The following KATNAL2 variants were observed in gnomAD, a reference collection of about 807,000 sequenced individuals.
KATNAL2 encodes the protein katanin catalytic subunit A1 like 2, also known as katanin p60 ATPase-containing subunit A-like 2.
A neutral mutation model predicts 76.3 loss-of-function variants in KATNAL2; 52 were observed. That is an observed-to-expected ratio of 0.68 (90% CI 0.55 to 0.86). The LOEUF (loss-of-function observed/expected upper bound fraction) is 0.86. Among genes scored for constraint, KATNAL2 ranks in the 40% least tolerant of loss-of-function variants. The pLI is 0.00. For synonymous variants in KATNAL2, 243 were observed against 244.2 expected (o/e 1.00, Z 0.05); for missense variants, 660 against 668.9 (o/e 0.99, Z 0.15).
intron 1 of KATNAL2, among the ~76,000 whole-genome samples, chr18:46,931,477 C>T (rs2058920314): frequency 6.6e-6 from 1 of 151,942 alleles, no homozygotes; most frequent in African/African-American, 2.4e-5. Context: ...CATGGTGAAA[C>T]CCCGTTTCTA....
At chr18:47,066,495 C>T (rs537478556) in intron 10 of KATNAL2, among the ~76,000 whole-genome samples, 24 of 151,818 alleles carry the variant, frequency 1.6e-4, no homozygotes, top group Middle Eastern at 3.4e-3. Flanking sequence ...TGATCGCTAG[C>T]GAAAAAAGAG....
At chr18:47,053,073 G>T (rs762552644) in intron 5 of KATNAL2, 27 bp downstream of exon 5, 1 of 1,531,720 alleles carries the variant, frequency 6.5e-7, no homozygotes, top group Non-Finnish European at 8.8e-7. Context: ...TAGAGATAAG[G>T]CTTTGTCTCA....
chr18:46,938,922 A>G (rs1361861714), intron 1 of KATNAL2, among the ~76,000 whole-genome samples: 1 of 152,148 alleles, frequency 6.6e-6, no homozygotes, highest in Non-Finnish European at 1.5e-5. Context: ...TATTATGGGT[A>G]TGATCAATTC....
At chr18:47,031,463 C>A (rs534260500) in intron 3 of KATNAL2, among the ~76,000 whole-genome samples, 43 of 152,080 alleles carry the variant, frequency 2.8e-4, no homozygotes, top group Admixed American at 1.2e-3. Flanking sequence ...TGTGTTTCTT[C>A]TGCAGAAAGA....
chr18:46,960,538 C>T (rs891000562), intron 3 of KATNAL2, among the ~76,000 whole-genome samples: 5 of 152,078 alleles, frequency 3.3e-5, no homozygotes, highest in Non-Finnish European at 5.9e-5. Context: ...AGAGGAGGAG[C>T]TATGCAAAAA....
intron 10 of KATNAL2, 133 bp from the exon 11 acceptor site, chr18:47,066,888 T>TATATATATACATATAAACACAC (rs11281082): frequency 1.3e-5 from 1 of 75,816 alleles, no homozygotes; most frequent in Non-Finnish European, 2.8e-5. Context: ...TATATATATA[T>TATATATATACATATAAACACAC]ATATAATATG....
intron 3 of KATNAL2, chr18:47,023,486 TG>T: frequency 2.8e-6 from 1 of 362,652 alleles, no homozygotes; most frequent in Admixed American, 8.3e-5. Flanking sequence ...GGCTCGCGAC[TG>T]GGAGACCTCG....
chr18:46,922,046 A>T (rs1331535411), intron 1 of KATNAL2, among the ~76,000 whole-genome samples: 1 of 151,974 alleles, frequency 6.6e-6, no homozygotes, highest in Admixed American at 6.6e-5. Flanking sequence ...CTTAGACTTT[A>T]CCAAAACTAG....
chr18:46,931,264 C>T (rs1487504190), intron 1 of KATNAL2, among the ~76,000 whole-genome samples: 1 of 151,258 alleles, frequency 6.6e-6, no homozygotes, highest in African/African-American at 2.4e-5. Flanking sequence ...CGCTCCACTG[C>T]ACTCCAGCCT....
chr18:47,075,789 G>T (rs1265937982), intron 14 of KATNAL2, among the ~76,000 whole-genome samples: 1 of 152,250 alleles, frequency 6.6e-6, no homozygotes, highest in Non-Finnish European at 1.5e-5. Flanking sequence ...ACTCCTGAGA[G>T]GCAGTCCTCG....
rs200412256 is a variant in KATNAL2 at position 47,077,387 on chromosome 18, G to T, written c.1137G>T (p.Glu379Asp). ...AAGGAAGCCTGCGGATGAAGACAGA[G>T]TTACTGGTGCAGATGGATGGGCTGG... ...EHEGSLRMKTELLVQMDGLAR... is the reference protein window; with the variant it reads ...EHEGSLRMKTDLLVQMDGLAR... Residue 379 changes from glutamate to aspartate, a missense_variant, in exon 15 of 18, where the codon GAG (glutamate) becomes GAT (aspartate). By Grantham distance (45) the Glu-to-Asp change is conservative. Transcript: ENST00000683218. 258 of 1,613,900 alleles carry T rather than the reference G, an allele frequency of 1.6e-4. No individual in the cohort carries two copies. Among genetic ancestry groups the T allele is most frequent in the Non-Finnish European group, 1.8e-4 (209 of 1,179,900 alleles).
chr18:46,951,539 C>G (rs2059556386), intron 3 of KATNAL2, among the ~76,000 whole-genome samples: 1 of 151,638 alleles, frequency 6.6e-6, no homozygotes. Context: ...TTCCTCCCTT[C>G]CCTGTGTTAG....
chr18:47,044,063 T>C (rs571844485), intron 3 of KATNAL2, among the ~76,000 whole-genome samples: 10 of 152,304 alleles, frequency 6.6e-5, no homozygotes, highest in African/African-American at 2.4e-4. Context: ...GAAGTACATA[T>C]CAGAAGAAAC....
At chr18:47,032,808 C>A in intron 3 of KATNAL2, 1 of 987,544 alleles carries the variant, frequency 1.0e-6, no homozygotes. Context: ...GAGGTGTTCT[C>A]CAAGCTGGGA....
chr18:46,961,306 A>G (rs1216123735), intron 3 of KATNAL2, among the ~76,000 whole-genome samples: 1 of 152,112 alleles, frequency 6.6e-6, no homozygotes, highest in African/African-American at 2.4e-5. Flanking sequence ...GGGGGTGGGT[A>G]GCAGGAGAAG....
intron 8 of KATNAL2, among the ~76,000 whole-genome samples, chr18:47,062,432 G>A (rs1049280401): frequency 2.7e-5 from 4 of 150,630 alleles, no homozygotes; most frequent in African/African-American, 7.3e-5. Flanking sequence ...GGAGAAAAGG[G>A]AACTCATACA....
chr18:46,917,670 G>T lies in KATNAL2; in HGVS notation c.-766G>T. On this transcript the variant is annotated 5_prime_UTR_variant, in exon 1 of 18. Coordinates refer to ENST00000683218, the MANE Select transcript of KATNAL2 (RefSeq NM_001387690.1). ...CTGCCCCGCGGCTTGGCCCCGCTCGGCCCCAGGTCGTGCCTTCCCTCCCCG... is the reference window on the plus strand; with the variant it reads ...CTGCCCCGCGGCTTGGCCCCGCTCGTCCCCAGGTCGTGCCTTCCCTCCCCG... The T allele has an allele frequency of 3.4e-6, 2 of 596,076 alleles. No homozygotes were observed. The highest frequency in any genetic ancestry group is 4.2e-6 in the Non-Finnish European group (2 of 472,228). The allele number at this position is 596,076 out of a possible 1,614,324, so 36.9% of individuals were successfully genotyped here.
intron 3 of KATNAL2, chr18:47,034,456 C>T: frequency 1.9e-6 from 3 of 1,614,186 alleles, no homozygotes; most frequent in Non-Finnish European, 2.5e-6. Flanking sequence ...GTCCCTGGCA[C>T]TTGCCCAGGA....
At position 47,100,352 on chromosome 18, in the gene KATNAL2, G is replaced by C; in HGVS notation, c.1473G>C (p.Gln491His). The C allele has an allele frequency of 1.2e-6, 2 of 1,612,690 alleles. No homozygotes were observed. Among genetic ancestry groups the C allele is most frequent in the Non-Finnish European group, 1.7e-6 (2 of 1,178,756 alleles). ...RKIFDALENH[Q>H]SESSDLPRIQ... ...TCTTTGATGCACTTGAAAATCACCA[G>C]TCAGGTATGGGTTGGATCACCATGA... The change falls in exon 17 of 18, where the codon CAG becomes CAC. Residue 491 changes from glutamine to histidine, a missense_variant. Physicochemically the swap from Gln to His is conservative, Grantham distance 24. Transcript: ENST00000683218.
Sources: allele counts gnomAD v4.1 joint callset (sites outside exome capture counted in the v4.1 genomes callset), GRCh38; gene constraint gnomAD v4.1.1; transcripts MANE v1.5; gene names NCBI Gene and HGNC (gene_info 2026-07-23, HGNC 2026-07-21).